NWD2: variants seen among roughly 807,000 people sequenced by gnomAD.
NWD2 encodes the protein NACHT and WD repeat domain containing 2.
Under a neutral mutation model 132.7 loss-of-function variants are expected in NWD2, and 37 were observed. That is an observed-to-expected ratio of 0.28 (90% CI 0.21 to 0.37). NWD2 has a LOEUF of 0.37. NWD2 is among the 10% of genes least tolerant of loss of function. NWD2 has a pLI of 1.00. For synonymous variants in NWD2, 705 were observed against 803.0 expected (o/e 0.88, Z 2.06); for missense variants, 1,592 against 2,122.4 (o/e 0.75, Z 4.91).
At chr4:37,309,550 C>A (rs1718787832) in intron 1 of NWD2, among the ~76,000 whole-genome samples, 1 of 152,136 alleles carries the variant, frequency 6.6e-6, no homozygotes, top group South Asian at 2.1e-4. Flanking sequence ...TGGCTCTGTT[C>A]TCAAAATGGC....
chr4:37,347,080 A>C (rs533544671), intron 2 of NWD2, among the ~76,000 whole-genome samples: 15 of 152,074 alleles, frequency 9.9e-5, no homozygotes, highest in Admixed American at 8.5e-4. Context: ...TTTCTCATTG[A>C]CTATTTAGGA....
rs61733330 is a variant in NWD2 at position 37,439,914 on chromosome 4, A to G, written c.1296+524A>G. On this transcript the variant is annotated intron_variant, in intron 6 of 6. Coordinates refer to ENST00000309447, the MANE Select transcript of NWD2 (RefSeq NM_001144990.2). This position sits in a 1 kb window ranked among gnomAD's most constrained non-coding sequence, Gnocchi z 4.5. ...TTCTTTCTCTCCTTTCCTAATCCCA[A>G]TGACATTTATGATTCCTATAAAGTC... Among the ~76,000 whole-genome samples the G allele has an allele frequency of 2.8e-3, 420 of 152,254 alleles. 5 individuals are homozygous for G. The highest frequency in any genetic ancestry group is 9.9e-3 in the African/African-American group (410 of 41,528).
intron 3 of NWD2, among the ~76,000 whole-genome samples, chr4:37,390,299 A>G (rs2109311599): frequency 6.6e-6 from 1 of 152,334 alleles, no homozygotes; most frequent in Admixed American, 6.5e-5. Flanking sequence ...GCAGTAGAAA[A>G]TATCAGAGTG....
intron 3 of NWD2, among the ~76,000 whole-genome samples, chr4:37,423,013 C>T (rs1711871237): frequency 1.3e-5 from 2 of 151,760 alleles, no homozygotes; most frequent in Non-Finnish European, 1.5e-5. Flanking sequence ...AGAGAGATGC[C>T]AGTAAATATC....
intron 2 of NWD2, among the ~76,000 whole-genome samples, chr4:37,351,198 A>G (rs1028828455): frequency 3.3e-5 from 5 of 152,222 alleles, no homozygotes; most frequent in Admixed American, 2.0e-4. Flanking sequence ...GCCTTATAAA[A>G]TAAGTTAGGG....
intron 2 of NWD2, among the ~76,000 whole-genome samples, chr4:37,353,663 G>A (rs1000046728): frequency 8.6e-5 from 13 of 151,594 alleles, no homozygotes; most frequent in African/African-American, 7.3e-5. Flanking sequence ...TATGCTTCAC[G>A]AAGTTCTCAT....
chr4:37,277,555 C>A (rs573632301), intron 1 of NWD2, among the ~76,000 whole-genome samples: 1 of 151,928 alleles, frequency 6.6e-6, no homozygotes, highest in East Asian at 1.9e-4. Flanking sequence ...ATTTTTATTT[C>A]AGTTATTGTA....
Position 37,446,896 on chromosome 4 carries a change from T to C in NWD2, c.4908T>C (p.Asp1636=). The change falls in exon 7 of 7, where the codon GAT becomes GAC. Residue 1636 remains aspartate (D), a synonymous_variant. Coordinates refer to ENST00000309447, the MANE Select transcript of NWD2 (RefSeq NM_001144990.2). This position sits in a 1 kb window ranked among gnomAD's most constrained non-coding sequence, Gnocchi z 6.7. The part of the protein sequence containing the change: ...QRHLNIIVGF[D]DGSIGIYTVV... ...ACCTGAACATCATTGTGGGCTTTGATGATGGGAGTATAGGGATCTACACGG... is the reference window on the plus strand; with the variant it reads ...ACCTGAACATCATTGTGGGCTTTGACGATGGGAGTATAGGGATCTACACGG... 2 of 1,551,750 alleles carry C rather than the reference T, an allele frequency of 1.3e-6. No homozygotes were observed. Among genetic ancestry groups the C allele is most frequent in the Admixed American group, 3.9e-5 (2 of 51,006 alleles).
chr4:37,436,109 T>TG (rs200322165), intron 5 of NWD2, among the ~76,000 whole-genome samples: 3,796 of 152,194 alleles, frequency 0.025, 61 homozygotes, highest in Middle Eastern at 0.058. Flanking sequence ...CAAAACTCAG[T>TG]GGCCTTGGGA....
At chr4:37,409,526 C>A (rs1221910149) in intron 3 of NWD2, among the ~76,000 whole-genome samples, 1 of 152,008 alleles carries the variant, frequency 6.6e-6, no homozygotes, top group Non-Finnish European at 1.5e-5. Flanking sequence ...ACCAAATCTA[C>A]GTGTGATTGG....
At chr4:37,329,200 A>G (rs948007246) in intron 2 of NWD2, among the ~76,000 whole-genome samples, 3 of 152,158 alleles carry the variant, frequency 2.0e-5, no homozygotes, top group Admixed American at 6.6e-5. Context: ...TTCATTCAAG[A>G]AGTATTTGTT....
At chr4:37,402,501 A>T (rs1720913330) in intron 3 of NWD2, among the ~76,000 whole-genome samples, 1 of 152,240 alleles carries the variant, frequency 6.6e-6, no homozygotes, top group Admixed American at 6.5e-5. Context: ...CAGAGGTATT[A>T]TAGGGAAGAA....
chr4:37,252,862 A>G (rs1717406745), intron 1 of NWD2, among the ~76,000 whole-genome samples: 1 of 152,186 alleles, frequency 6.6e-6, no homozygotes, highest in Non-Finnish European at 1.5e-5. Context: ...ATTTTGCTGC[A>G]TTCTGTCATC....
chr4:37,286,770 C>G (rs1372455885), intron 1 of NWD2, among the ~76,000 whole-genome samples: 3 of 152,112 alleles, frequency 2.0e-5, no homozygotes, highest in African/African-American at 7.2e-5. Flanking sequence ...GGAGCAGTTC[C>G]TAAGGAGGGT....
intron 6 of NWD2, among the ~76,000 whole-genome samples, chr4:37,440,850 A>G (rs1268532983): frequency 6.6e-6 from 1 of 152,036 alleles, no homozygotes; most frequent in African/African-American, 2.4e-5. Context: ...TTAGTGTCAA[A>G]GTGTGGTGGT....
chr4:37,288,237 A>G (rs1023057417), intron 1 of NWD2, among the ~76,000 whole-genome samples: 3 of 152,238 alleles, frequency 2.0e-5, no homozygotes, highest in Non-Finnish European at 2.9e-5. Context: ...CCTATGTAAC[A>G]ACCCTCCACG....
chr4:37,363,208 A>G (rs1182900553), intron 3 of NWD2, among the ~76,000 whole-genome samples: 1 of 152,122 alleles, frequency 6.6e-6, no homozygotes, highest in Non-Finnish European at 1.5e-5. Flanking sequence ...TTGTCGGTGG[A>G]AATGTAAATT....
At chr4:37,272,766 T>G (rs550358650) in intron 1 of NWD2, among the ~76,000 whole-genome samples, 2 of 151,932 alleles carry the variant, frequency 1.3e-5, no homozygotes, top group East Asian at 1.9e-4. Context: ...TTCATTGCTT[T>G]CTTTCTTGTT....
Position 37,445,184 on chromosome 4 carries a change from C to A in NWD2, c.3196C>A (p.Leu1066Met). The stretch of plus-strand genomic sequence containing the variant: ...CGCCACCTACATCAATGGATTTACA[C>A]TGTCCGCCAACCACGCCCTTGCATG... Reference protein sequence around the residue: ...SSATYINGFTLSANHALAWLE... With the variant: ...SSATYINGFTMSANHALAWLE... The change falls in exon 7 of 7, where the codon CTG becomes ATG. Residue 1066 changes from leucine to methionine, a missense_variant. This residue lies in a region of NWD2 where 1,071 missense variants were observed against 1,398.0 expected (regional missense o/e 0.77). Coordinates refer to ENST00000309447, the MANE Select transcript of NWD2 (RefSeq NM_001144990.2). This position sits in a 1 kb window ranked among gnomAD's most constrained non-coding sequence, Gnocchi z 4.7. 1 of 1,551,942 alleles carries A rather than the reference C, an allele frequency of 6.4e-7. No individual in the cohort carries two copies. Among genetic ancestry groups the A allele is most frequent in the Non-Finnish European group, 8.7e-7 (1 of 1,147,054 alleles).
Sources: allele counts gnomAD v4.1 joint callset (sites outside exome capture counted in the v4.1 genomes callset), GRCh38; gene constraint gnomAD v4.1.1; regional missense constraint gnomAD v4.1.1; non-coding constraint Gnocchi (gnomAD v3.1); transcripts MANE v1.5; gene names NCBI Gene and HGNC (gene_info 2026-07-23, HGNC 2026-07-21).